VSTM2A: variants seen among roughly 807,000 people sequenced by gnomAD.
The protein encoded by VSTM2A is V-set and transmembrane domain-containing protein 2A.
A neutral mutation model predicts 27.3 loss-of-function variants in VSTM2A; 13 were observed. The ratio of observed to expected loss-of-function variants is 0.48; its 90% CI spans 0.31 to 0.76. The LOEUF (loss-of-function observed/expected upper bound fraction) is 0.76, where lower values mean the gene tolerates loss of function less well. VSTM2A is among the 30% of genes least tolerant of loss of function. The pLI, the probability that VSTM2A is intolerant of heterozygous loss-of-function variation, is 0.05. For synonymous variants in VSTM2A, 142 were observed against 125.7 expected (o/e 1.13, Z -0.87); for missense variants, 280 against 310.0 (o/e 0.90, Z 0.73).
Position 54,569,294 on chromosome 7 carries a change from C to A in VSTM2A, c.*75C>A. The A allele has an allele frequency of 6.5e-7, 1 of 1,536,382 alleles. No individual in the cohort carries two copies. Among genetic ancestry groups the A allele is most frequent in the East Asian group, 2.5e-5 (1 of 40,714 alleles). On this transcript the variant is annotated 3_prime_UTR_variant, in exon 5 of 5. Coordinates refer to ENST00000402613, the MANE Select transcript of VSTM2A (RefSeq NM_001301009.2). Reference sequence around the variant, plus strand: ...TCACATGCTTTGTTGATCATATTTTCTTTGGCAAAACACTGATCTTTTATT... The same window carrying A: ...TCACATGCTTTGTTGATCATATTTTATTTGGCAAAACACTGATCTTTTATT...
At chr7:54,546,440 G>T (rs1787971833) in intron 2 of VSTM2A, among the ~76,000 whole-genome samples, 1 of 151,852 alleles carries the variant, frequency 6.6e-6, no homozygotes, top group African/African-American at 2.4e-5. Context: ...GCGCGGGGCG[G>T]GACGGCAGGC....
intron 3 of VSTM2A, 65 bp from the exon 4 acceptor site, chr7:54,549,769 G>GT: frequency 7.0e-7 from 1 of 1,433,950 alleles, no homozygotes. Flanking sequence ...CAAGCTCAGG[G>GT]TAAAAAATGG....
At chr7:54,557,316 C>A (rs1009221695) in intron 4 of VSTM2A, 3 of 68,020 alleles carry the variant, frequency 4.4e-5, no homozygotes, top group Non-Finnish European at 7.1e-5. Context: ...TCCCTCATTT[C>A]TTTCTTTTTT....
At chr7:54,553,886 A>G (rs1788266710) in intron 4 of VSTM2A, 1 of 1,551,232 alleles carries the variant, frequency 6.4e-7, no homozygotes, top group Non-Finnish European at 8.7e-7. Context: ...TCCTTCCAGA[A>G]GTCAAACATC....
At position 54,569,405 on chromosome 7, in the gene VSTM2A, C is replaced by A; in HGVS notation, c.*186C>A. 1 of 1,038,288 alleles carries A rather than the reference C, an allele frequency of 9.6e-7. No individual in the cohort carries two copies. Among genetic ancestry groups the A allele is most frequent in the Non-Finnish European group, 1.4e-6 (1 of 738,994 alleles). 64.3% of individuals were successfully genotyped at this position (1,038,288 alleles called of 1,614,324 possible). A position where few individuals can be genotyped will look rare whatever the true frequency, so the allele number is the denominator to read the frequency against. On this transcript the variant is annotated 3_prime_UTR_variant, in exon 5 of 5. Transcript: ENST00000402613. ...TTTCTTTCGGCGACTAAAATCATCT[C>A]ACTGACTGCTCAAGGGTTGGCCTGA...
Position 54,564,798 on chromosome 7 carries a change from A to G in VSTM2A, c.635-4333A>G, listed in dbSNP as rs145552841. Among the ~76,000 whole-genome samples, 9 of 152,346 alleles carry G rather than the reference A, an allele frequency of 5.9e-5. No individual in the cohort carries two copies. The East Asian group carries it at 1.7e-3, about 29-fold the overall frequency. On this transcript the variant is annotated intron_variant, in intron 4 of 4. Coordinates refer to ENST00000402613, the MANE Select transcript of VSTM2A (RefSeq NM_001301009.2). ...TAATAGTGGAGCCAGGTATTAAATG[A>G]ATATTTAAAAGAATTCAGAGGAACC...
chr7:54,544,888 G>A, intron 2 of VSTM2A, 100 bp downstream of exon 2: 4 of 1,378,752 alleles, frequency 2.9e-6, no homozygotes, highest in Non-Finnish European at 3.9e-6. Context: ...GACACCCCTG[G>A]GGACCTGCCC....
intron 4 of VSTM2A, chr7:54,551,163 GCACACACA>G (rs903537275): frequency 7.3e-6 from 1 of 137,002 alleles, no homozygotes; most frequent in South Asian, 2.4e-4. Context: ...ACACACACAC[GCACACACA>G]CACACATCTC....
intron 2 of VSTM2A, chr7:54,546,706 G>C (rs373209387): frequency 2.0e-6 from 1 of 490,926 alleles, no homozygotes; most frequent in African/African-American, 2.1e-5. Context: ...ACAGCCCCGG[G>C]ACAGCCCCGG....
Position 54,550,054 on chromosome 7 carries a change from G to A in VSTM2A, c.518G>A (p.Arg173His), listed in dbSNP as rs1043573913. 2.5e-6 allele frequency: 4 copies of A among 1,609,224 alleles called. No homozygotes were observed. Among genetic ancestry groups the A allele is most frequent in the South Asian group, 1.1e-5 (1 of 90,048 alleles). Residue 173 changes from arginine (R) to histidine (H), a missense_variant, in exon 4 of 5, where the codon CGC becomes CAC. Transcript: ENST00000402613. ...SPMWLQDMKP[R>H]KNVSAAIPSS... is the part of the protein sequence containing the mutation. ...ATGTGGCTGCAGGATATGAAGCCCC[G>A]CAAGAACGTCTCCGCAGCCATCCCC...
chr7:54,566,787 A>G (rs1365586444), intron 4 of VSTM2A, among the ~76,000 whole-genome samples: 1 of 152,268 alleles, frequency 6.6e-6, no homozygotes, highest in East Asian at 1.9e-4. Flanking sequence ...AGAGGAAATC[A>G]GAACTCAGCG....
intron 4 of VSTM2A, among the ~76,000 whole-genome samples, chr7:54,555,760 T>C (rs1261261453): frequency 2.0e-5 from 3 of 152,182 alleles, no homozygotes; most frequent in Admixed American, 6.5e-5. Flanking sequence ...CCTGAACAAG[T>C]GGGGCTCATG....
chr7:54,542,855 G>C, intron 1 of VSTM2A, 46 bp downstream of exon 1: 1 of 1,556,848 alleles, frequency 6.4e-7, no homozygotes, highest in Non-Finnish European at 8.8e-7. Flanking sequence ...GCGTGTGTGT[G>C]TGTTTCCTAC....
chr7:54,545,731 G>C (rs1335216286), intron 2 of VSTM2A, among the ~76,000 whole-genome samples: 3 of 119,940 alleles, frequency 2.5e-5, no homozygotes, highest in Admixed American at 8.2e-5. Context: ...AGGGGAAAAA[G>C]GGAGAGAGGG....
chr7:54,549,869 G>T lies in VSTM2A; in HGVS notation c.333G>T (p.Lys111Asn), dbSNP rs369049630. 5.0e-6 allele frequency: 8 copies of T among 1,609,892 alleles called. No homozygotes were observed. Among genetic ancestry groups the T allele is most frequent in the Non-Finnish European group, 6.8e-6 (8 of 1,178,396 alleles). ...VKVQGNDISH[K>N]LQISKVRKKD... ...TCCAAGGCAATGACATCTCCCACAA[G>T]CTTCAGATTTCCAAAGTGAGGAAAA... is the stretch of plus-strand genomic sequence containing the variant. Residue 111 changes from lysine (K) to asparagine (N), a missense_variant, in exon 4 of 5, where the codon AAG becomes AAT. Coordinates refer to ENST00000402613, the MANE Select transcript of VSTM2A (RefSeq NM_001301009.2).
At chr7:54,561,273 T>C (rs932369733) in intron 4 of VSTM2A, among the ~76,000 whole-genome samples, 5 of 152,180 alleles carry the variant, frequency 3.3e-5, no homozygotes, top group Admixed American at 3.3e-4. Flanking sequence ...TAGAGTTAAA[T>C]GTTTAGGGAT....
chr7:54,563,720 A>G (rs913379798), intron 4 of VSTM2A, among the ~76,000 whole-genome samples: 2 of 152,198 alleles, frequency 1.3e-5, no homozygotes, highest in Non-Finnish European at 2.9e-5. Flanking sequence ...AAGAGCCCTC[A>G]TAACTAGAAC....
chr7:54,546,917 C>T, intron 2 of VSTM2A, 30 bp from the exon 3 acceptor site: 1 of 1,597,318 alleles, frequency 6.3e-7, no homozygotes. Flanking sequence ...GGGCCTGGCG[C>T]GGGACTGAGC....
At chr7:54,542,891 A>G (rs1787831280) in intron 1 of VSTM2A, 82 bp downstream of exon 1, 2 of 1,310,530 alleles carry the variant, frequency 1.5e-6, no homozygotes, top group Non-Finnish European at 2.2e-6. Context: ...ACAGGCAGAT[A>G]GAATAAGCTT....
Sources: allele counts gnomAD v4.1 joint callset (sites outside exome capture counted in the v4.1 genomes callset), GRCh38; gene constraint gnomAD v4.1.1; transcripts MANE v1.5; gene names NCBI Gene and HGNC (gene_info 2026-07-23, HGNC 2026-07-21).